DLC1: variants seen among roughly 807,000 people sequenced by gnomAD.
The protein encoded by DLC1 is DLC1 Rho GTPase activating protein.
In DLC1, 54 loss-of-function variants were observed where a neutral mutation model predicts 140.3. That is an observed-to-expected ratio of 0.38 (90% CI 0.31 to 0.48). The LOEUF is 0.48. Among genes scored for constraint, DLC1 ranks in the 20% least tolerant of loss-of-function variants. The pLI is 0.96. For missense variants in DLC1, 2,536 were observed against 1,907.0 expected (o/e 1.33, Z -6.14); for synonymous variants, 986 against 728.1 (o/e 1.35, Z -5.70).
rs191077596 is a variant in DLC1 at position 13,474,870 on chromosome 8, C to G, written c.1023+24179G>C. Among the ~76,000 whole-genome samples the G allele has an allele frequency of 3.3e-3, 506 of 152,332 alleles. 4 individuals are homozygous for G. The highest frequency in any genetic ancestry group is 0.02 in the East Asian group (103 of 5,182). On this transcript the variant is annotated intron_variant, in intron 2 of 17. Transcript: ENST00000276297. ...CTCATTGTATCTAGGAAGTAACTAA[C>G]TTGCTTTTGATTTTACAGGCTCATA...
intron 2 of DLC1, among the ~76,000 whole-genome samples, chr8:13,404,136 C>T (rs887156273): frequency 6.6e-6 from 1 of 152,062 alleles, no homozygotes; most frequent in Non-Finnish European, 1.5e-5. Flanking sequence ...AGACCTCATA[C>T]ATTTTAAGAT....
intron 1 of DLC1, among the ~76,000 whole-genome samples, chr8:13,535,476 G>A (rs370408250): frequency 6.6e-6 from 1 of 151,852 alleles, no homozygotes; most frequent in East Asian, 1.9e-4. Context: ...CAAAGAAATT[G>A]AATAGATATC....
intron 2 of DLC1, among the ~76,000 whole-genome samples, chr8:13,443,582 C>A (rs1377380045): frequency 1.3e-5 from 2 of 149,034 alleles, no homozygotes; most frequent in African/African-American, 2.5e-5. Flanking sequence ...TGGCATGAAC[C>A]CAGAGGCGGA....
chr8:13,246,765 T>C (rs1456668474), intron 5 of DLC1, among the ~76,000 whole-genome samples: 1 of 152,146 alleles, frequency 6.6e-6, no homozygotes, highest in African/African-American at 2.4e-5. Flanking sequence ...TTTAACTATC[T>C]GGAGATAGTC....
At chr8:13,292,610 C>T (rs1831799150) in intron 5 of DLC1, among the ~76,000 whole-genome samples, 1 of 151,942 alleles carries the variant, frequency 6.6e-6, no homozygotes, top group Non-Finnish European at 1.5e-5. Context: ...GTGCAGCCAT[C>T]AGAGGCCTTA....
At chr8:13,570,028 C>A (rs373360795) in intron 1 of DLC1, among the ~76,000 whole-genome samples, 1 of 152,160 alleles carries the variant, frequency 6.6e-6, no homozygotes, top group African/African-American at 2.4e-5. Context: ...GCCCAGGAGC[C>A]CAGAATTATT....
At chr8:13,153,658 G>A (rs1038167275) in intron 5 of DLC1, among the ~76,000 whole-genome samples, 2 of 152,138 alleles carry the variant, frequency 1.3e-5, no homozygotes, top group African/African-American at 4.8e-5. Context: ...GACACAGAGT[G>A]CTGATTGGTG....
intron 2 of DLC1, among the ~76,000 whole-genome samples, chr8:13,431,624 A>C (rs2117395186): frequency 6.6e-6 from 1 of 151,270 alleles, no homozygotes; most frequent in Middle Eastern, 3.5e-3. Context: ...AAATATGGCT[A>C]CCTGAAATTC....
At chr8:13,121,230 G>A (rs945132547) in intron 5 of DLC1, among the ~76,000 whole-genome samples, 2 of 152,182 alleles carry the variant, frequency 1.3e-5, no homozygotes, top group African/African-American at 2.4e-5. Flanking sequence ...CTAGAGAACC[G>A]TGTCAGCTGT....
At chr8:13,293,628 C>G (rs894609500) in intron 5 of DLC1, among the ~76,000 whole-genome samples, 1 of 152,138 alleles carries the variant, frequency 6.6e-6, no homozygotes, top group African/African-American at 2.4e-5. Context: ...TTTCTGCTTT[C>G]AAGGAGCTCT....
chr8:13,414,083 C>G (rs944583069), intron 2 of DLC1, among the ~76,000 whole-genome samples: 4 of 152,062 alleles, frequency 2.6e-5, no homozygotes, highest in African/African-American at 9.7e-5. Flanking sequence ...ACACCACAAA[C>G]ACGAAAAAGC....
chr8:13,470,956 A>C (rs1008612847), intron 2 of DLC1, among the ~76,000 whole-genome samples: 1 of 152,216 alleles, frequency 6.6e-6, no homozygotes, highest in African/African-American at 2.4e-5. Context: ...ATGGAATATT[A>C]TTTAGCCAAA....
At chr8:13,413,277 T>TTTTTTTTTTTTTTTTTGGA (rs1837880078) in intron 2 of DLC1, among the ~76,000 whole-genome samples, 1 of 146,014 alleles carries the variant, frequency 6.8e-6, no homozygotes, top group Non-Finnish European at 1.5e-5. Context: ...TTTTTTTTTT[T>TTTTTTTTTTTTTTTTTGGA]AGCTCATCAA....
At chr8:13,494,937 C>A (rs1742041373) in intron 2 of DLC1, among the ~76,000 whole-genome samples, 1 of 152,058 alleles carries the variant, frequency 6.6e-6, no homozygotes, top group Non-Finnish European at 1.5e-5. Flanking sequence ...GGTAAGGAAG[C>A]AAGACTCCAT....
rs891365230 is a variant in DLC1, at chr8:13,248,244, C to T, written c.1348+57025G>A. Reference sequence around the variant, plus strand: ...GACATCATATTTAATTGATAACACACTCTCTTATATCCACAGTTTTTGCAG... The same window carrying T: ...GACATCATATTTAATTGATAACACATTCTCTTATATCCACAGTTTTTGCAG... On this transcript the variant is annotated intron_variant, in intron 5 of 17. Coordinates refer to ENST00000276297, the MANE Select transcript of DLC1 (RefSeq NM_182643.3). Among the ~76,000 whole-genome samples the T allele has an allele frequency of 3.9e-5, 6 of 152,332 alleles. 1 individual carries two copies. The highest frequency in any genetic ancestry group is 2.6e-4 in the Admixed American group (4 of 15,302).
At chr8:13,347,188 A>G (rs1834380614) in intron 4 of DLC1, among the ~76,000 whole-genome samples, 2 of 152,218 alleles carry the variant, frequency 1.3e-5, no homozygotes, top group Admixed American at 1.3e-4. Flanking sequence ...GGACTAATGT[A>G]TACTGTTTTG....
At chr8:13,130,762 A>T (rs1456750117) in intron 5 of DLC1, among the ~76,000 whole-genome samples, 1 of 152,210 alleles carries the variant, frequency 6.6e-6, no homozygotes, top group Non-Finnish European at 1.5e-5. Context: ...TTTAAGTTGG[A>T]AACTATTTAT....
At chr8:13,597,234 T>C (rs1028178470) in intron 1 of DLC1, among the ~76,000 whole-genome samples, 1 of 152,012 alleles carries the variant, frequency 6.6e-6, no homozygotes, top group Non-Finnish European at 1.5e-5. Flanking sequence ...GAAAGATGGA[T>C]AGATTTGTCA....
intron 3 of DLC1, among the ~76,000 whole-genome samples, chr8:13,397,124 C>G (rs1310414787): frequency 6.6e-6 from 1 of 152,136 alleles, no homozygotes; most frequent in African/African-American, 2.4e-5. Flanking sequence ...TTATACCACT[C>G]AACTCTGGCC....
Sources: gnomAD v4.1 joint callset for allele counts (sites outside exome capture counted in the v4.1 genomes callset) on GRCh38, gnomAD v4.1.1 for gene constraint, MANE v1.5 for transcripts, NCBI Gene and HGNC (gene_info 2026-07-23, HGNC 2026-07-21) for gene names.